The following NRG3 variants were observed in gnomAD, a reference collection of about 807,000 sequenced individuals.
NRG3 encodes neuregulin 3.
NRG3 carries 31 observed loss-of-function variants against 66.9 expected under a neutral mutation model. That is an observed-to-expected ratio of 0.46 (90% CI 0.35 to 0.63). NRG3 has a LOEUF of 0.63. Ranked by LOEUF, NRG3 falls within the 20% of genes least tolerant of loss-of-function variation. The probability of loss-of-function intolerance (pLI) is 0.00; values close to 1 mark genes in which losing one functional copy is unlikely to be tolerated. For synonymous variants in NRG3, 393 were observed against 359.4 expected (o/e 1.09, Z -1.06); for missense variants, 910 against 878.9 (o/e 1.04, Z -0.45).
At chr10:82,452,687 A>G (rs2091074739) in intron 2 of NRG3, among the ~76,000 whole-genome samples, 1 of 151,840 alleles carries the variant, frequency 6.6e-6, no homozygotes, top group African/African-American at 2.4e-5. Flanking sequence ...TTCTTGCCAC[A>G]ATTGGAGTTC....
intron 1 of NRG3, among the ~76,000 whole-genome samples, chr10:82,062,014 T>C (rs1230914296): frequency 6.6e-6 from 1 of 152,216 alleles, no homozygotes; most frequent in Non-Finnish European, 1.5e-5. Context: ...TCCTTTTCTT[T>C]GCTTTTGATG....
At chr10:82,974,202 A>G (rs974171112) in intron 7 of NRG3, among the ~76,000 whole-genome samples, 2 of 152,186 alleles carry the variant, frequency 1.3e-5, no homozygotes, top group African/African-American at 2.4e-5. Flanking sequence ...AACTATTTTA[A>G]AAAATATGTT....
rs149265146 is a variant in NRG3, at chr10:82,157,714, A to G, written c.824-201025A>G. 1.5e-3 allele frequency among the ~76,000 whole-genome samples: 210 copies of G among 143,170 alleles called. 1 individual carries two copies. The highest frequency in any genetic ancestry group is 5.2e-3 in the African/African-American group (200 of 38,158). The allele number at this position is 143,170 out of a possible 152,430, so 93.9% of individuals were successfully genotyped here. A position where few individuals can be genotyped will look rare whatever the true frequency, so the allele number is the denominator to read the frequency against. On this transcript the variant is annotated intron_variant, in intron 1 of 8. Transcript: ENST00000372141. ...AATAGGCAGAAGAATGACAGACATG[A>G]ATACCATTGGCAGAATGTTTGTGGT... is the stretch of plus-strand genomic sequence containing the variant.
At chr10:82,928,255 T>C (rs1847206519) in intron 4 of NRG3, among the ~76,000 whole-genome samples, 1 of 152,200 alleles carries the variant, frequency 6.6e-6, no homozygotes, top group African/African-American at 2.4e-5. Context: ...GTCAGATGGA[T>C]AGATTGCAAA....
intron 1 of NRG3, among the ~76,000 whole-genome samples, chr10:82,357,046 T>C (rs2083830393): frequency 6.6e-6 from 1 of 152,172 alleles, no homozygotes; most frequent in South Asian, 2.1e-4. Context: ...ATGAAAGTGA[T>C]AAGAGGCACT....
chr10:81,996,847 C>T (rs532866227), intron 1 of NRG3, among the ~76,000 whole-genome samples: 95 of 152,082 alleles, frequency 6.2e-4, no homozygotes, highest in Middle Eastern at 6.8e-3. Flanking sequence ...TGGAACCTTA[C>T]CAAGTAGTGC....
chr10:81,893,075 CAG>C (rs1843180182), intron 1 of NRG3, among the ~76,000 whole-genome samples: 1 of 152,048 alleles, frequency 6.6e-6, no homozygotes, highest in Non-Finnish European at 1.5e-5. Context: ...TATTATTAAA[CAG>C]AGGATTTTCA....
chr10:82,334,486 C>T lies in NRG3; in HGVS notation c.824-24253C>T, dbSNP rs554471885. Among the ~76,000 whole-genome samples the T allele has an allele frequency of 2.0e-4, 31 of 152,286 alleles. No homozygotes were observed. In the South Asian group the frequency reaches 6.4e-3, roughly 32 times the overall value. The stretch of plus-strand genomic sequence containing the variant: ...GACTGCAAATAATAGCTCTAGAAGA[C>T]AATGTCTGAGCCAAGCAAGAATTAG... On this transcript the variant is annotated intron_variant, in intron 1 of 8. Coordinates refer to ENST00000372141, the MANE Select transcript of NRG3 (RefSeq NM_001010848.4).
At chr10:81,909,131 C>A (rs997969522) in intron 1 of NRG3, among the ~76,000 whole-genome samples, 2 of 152,188 alleles carry the variant, frequency 1.3e-5, no homozygotes, top group African/African-American at 4.8e-5. Context: ...TGGTTGCTGG[C>A]AATCCTTGGC....
chr10:82,080,284 T>C (rs2065315425), intron 1 of NRG3, among the ~76,000 whole-genome samples: 1 of 152,218 alleles, frequency 6.6e-6, no homozygotes. Context: ...GGTTTTGCCT[T>C]GCCTTCAACA....
At chr10:82,311,969 A>G (rs960780624) in intron 1 of NRG3, among the ~76,000 whole-genome samples, 2 of 151,918 alleles carry the variant, frequency 1.3e-5, no homozygotes, top group African/African-American at 4.8e-5. Context: ...AAATTATTCA[A>G]CCTCTCTGCC....
intron 1 of NRG3, among the ~76,000 whole-genome samples, chr10:81,923,497 G>A (rs1846465295): frequency 6.6e-6 from 1 of 152,164 alleles, no homozygotes; most frequent in Admixed American, 6.5e-5. Flanking sequence ...GAGCCACCGC[G>A]CCCGGCCGAA....
intron 1 of NRG3, among the ~76,000 whole-genome samples, chr10:82,119,975 C>G (rs2067982085): frequency 6.6e-6 from 1 of 152,036 alleles, no homozygotes; most frequent in Non-Finnish European, 1.5e-5. Flanking sequence ...ATTCCTCCCC[C>G]TAAATACAAA....
chr10:82,207,381 C>T, intron 1 of NRG3, among the ~76,000 whole-genome samples: 1 of 152,054 alleles, frequency 6.6e-6, no homozygotes, highest in Non-Finnish European at 1.5e-5. Flanking sequence ...TGAATGTGGG[C>T]AAGTTACTTT....
chr10:82,676,618 G>A (rs1565192401), intron 2 of NRG3, among the ~76,000 whole-genome samples: 1 of 151,956 alleles, frequency 6.6e-6, no homozygotes, highest in East Asian at 1.9e-4. Flanking sequence ...CGAGTAGCTG[G>A]GATTACAGGT....
In NRG3 at chr10:81,894,048, A is replaced by AT. The variant is rs142579964; in HGVS notation, c.823+17888dup. Among the ~76,000 whole-genome samples, 13 of 152,286 alleles carry AT rather than the reference A, an allele frequency of 8.5e-5. No homozygotes were observed. The East Asian group carries it at 2.5e-3, about 29-fold the overall frequency. On this transcript the variant is annotated intron_variant, in intron 1 of 8. Coordinates refer to ENST00000372141, the MANE Select transcript of NRG3 (RefSeq NM_001010848.4). Reference sequence around the variant, plus strand: ...CAGACTGCATGGACTATGCATGGAAATTTATTTTCTGGCTGGGTGTCGTGG... The same window carrying AT: ...CAGACTGCATGGACTATGCATGGAAATTTTATTTTCTGGCTGGGTGTCGTGG...
At chr10:82,448,308 G>A (rs2090845924) in intron 2 of NRG3, among the ~76,000 whole-genome samples, 1 of 152,082 alleles carries the variant, frequency 6.6e-6, no homozygotes, top group Non-Finnish European at 1.5e-5. Context: ...AGAAAAATTG[G>A]GATTTAACAA....
intron 2 of NRG3, among the ~76,000 whole-genome samples, chr10:82,563,767 CTT>C (rs1009212957): frequency 5.9e-5 from 9 of 151,942 alleles, no homozygotes; most frequent in African/African-American, 2.2e-4. Context: ...AAAATCTACT[CTT>C]TTAGCAATTT....
intron 1 of NRG3, among the ~76,000 whole-genome samples, chr10:82,330,021 A>C (rs1476893538): frequency 6.6e-6 from 1 of 152,166 alleles, no homozygotes; most frequent in Admixed American, 6.5e-5. Flanking sequence ...CACTTTCCTG[A>C]TGACATTTCA....
Sources: allele counts gnomAD v4.1 joint callset (sites outside exome capture counted in the v4.1 genomes callset), GRCh38; gene constraint gnomAD v4.1.1; transcripts MANE v1.5; gene names NCBI Gene and HGNC (gene_info 2026-07-23, HGNC 2026-07-21).